Variants in FOXK2 observed in about 807,000 individuals in gnomAD.
The protein encoded by FOXK2 is forkhead box protein K2.
Under a neutral mutation model 53.3 loss-of-function variants are expected in FOXK2, and 24 were observed. The ratio of observed to expected loss-of-function variants is 0.45; its 90% CI spans 0.33 to 0.63. The LOEUF (loss-of-function observed/expected upper bound fraction) is 0.63, where lower values mean the gene tolerates loss of function less well. Among genes scored for constraint, FOXK2 ranks in the 30% least tolerant of loss-of-function variants. FOXK2 has a pLI of 0.03. For missense variants in FOXK2, 952 were observed against 910.5 expected (o/e 1.05, Z -0.59); for synonymous variants, 505 against 407.1 (o/e 1.24, Z -2.89).
rs904670761 is a variant in FOXK2, at chr17:82,601,903, CAT to C, written c.*405_*406del. ...CACAGGACCCACCAGGCAGCGGAGA[CAT>C]GTGGAATTAGAGTATTTTGAGGTGT... On this transcript the variant is annotated 3_prime_UTR_variant, in exon 9 of 9. Transcript: ENST00000335255. The C allele has an allele frequency of 1.5e-4, 27 of 174,322 alleles. No homozygotes were observed. Among genetic ancestry groups the C allele is most frequent in the East Asian group, 1.3e-3 (9 of 6,900 alleles). 10.8% of individuals were successfully genotyped at this position (174,322 alleles called of 1,614,324 possible).
chr17:82,543,984 G>T (rs2044598050), intron 1 of FOXK2, among the ~76,000 whole-genome samples: 1 of 152,034 alleles, frequency 6.6e-6, no homozygotes, highest in South Asian at 2.1e-4. Flanking sequence ...CACTGTGTTA[G>T]CCAGGATGGT....
intron 5 of FOXK2, among the ~76,000 whole-genome samples, chr17:82,583,767 C>T (rs975423995): frequency 6.6e-6 from 1 of 152,242 alleles, no homozygotes; most frequent in African/African-American, 2.4e-5. Context: ...GGCTCCGCCC[C>T]ACAGCCGTGC....
intron 1 of FOXK2, among the ~76,000 whole-genome samples, chr17:82,535,984 C>A (rs559832192): frequency 1.3e-5 from 2 of 151,946 alleles, no homozygotes; most frequent in East Asian, 1.9e-4. Context: ...TCAGGTGATC[C>A]GCCTGTCTCA....
chr17:82,595,634 G>A (rs1256679103), intron 8 of FOXK2: 1 of 489,200 alleles, frequency 2.0e-6, no homozygotes. Flanking sequence ...AGAGGACAGA[G>A]TGCTATACAT....
At chr17:82,520,882 A>G (rs1048486942) in intron 1 of FOXK2, among the ~76,000 whole-genome samples, 6 of 152,156 alleles carry the variant, frequency 3.9e-5, no homozygotes, top group South Asian at 2.1e-4. Flanking sequence ...TGGATTTTCA[A>G]TCTGTGCTCT....
chr17:82,566,270 A>G (rs1012870225), intron 2 of FOXK2, among the ~76,000 whole-genome samples: 1 of 151,754 alleles, frequency 6.6e-6, no homozygotes, highest in Admixed American at 6.6e-5. Context: ...CCCCTGGAAA[A>G]ACATCCGTTG....
At chr17:82,531,894 G>T (rs547850487) in intron 1 of FOXK2, among the ~76,000 whole-genome samples, 2 of 152,340 alleles carry the variant, frequency 1.3e-5, no homozygotes, top group South Asian at 4.1e-4. Context: ...AGGCTGCAGT[G>T]CAATGGCGTG....
At chr17:82,547,852 G>A (rs2044641952) in intron 1 of FOXK2, among the ~76,000 whole-genome samples, 1 of 152,138 alleles carries the variant, frequency 6.6e-6, no homozygotes, top group Admixed American at 6.6e-5. Context: ...TTTTCTTCCA[G>A]GGTTTCATAA....
rs1439094243 is a variant in FOXK2, at chr17:82,553,936, C to G, written c.420-9418C>G. On this transcript the variant is annotated intron_variant, in intron 1 of 8. Transcript: ENST00000335255. ...GCAGTCTCCGCCTCCCAGGTTCATG[C>G]CATTCTCCTGCCTCAGTCTCCCGAG... is the stretch of plus-strand genomic sequence containing the variant. 2.0e-5 allele frequency among the ~76,000 whole-genome samples: 3 copies of G among 152,130 alleles called. No individual in the cohort carries two copies. In the East Asian group the frequency reaches 5.8e-4, roughly 29 times the overall value.
chr17:82,520,384 G>A (rs1286842453), intron 1 of FOXK2, 77 bp downstream of exon 1: 2 of 1,159,042 alleles, frequency 1.7e-6, no homozygotes, highest in Non-Finnish European at 1.1e-6. Flanking sequence ...CACGCGCCCA[G>A]GCCCGGGACC....
chr17:82,526,682 T>C (rs1017375536), intron 1 of FOXK2, among the ~76,000 whole-genome samples: 1 of 152,004 alleles, frequency 6.6e-6, no homozygotes, highest in African/African-American at 2.4e-5. Context: ...TACAAAAAAT[T>C]AGCTGGGCAT....
intron 8 of FOXK2, among the ~76,000 whole-genome samples, chr17:82,598,723 A>T (rs993530301): frequency 6.6e-6 from 1 of 152,254 alleles, no homozygotes; most frequent in Admixed American, 6.5e-5. Context: ...CCACCTCCTA[A>T]TTAGGCTGCG....
At chr17:82,562,808 CTT>C (rs1260657668) in intron 1 of FOXK2, among the ~76,000 whole-genome samples, 5 of 141,970 alleles carry the variant, frequency 3.5e-5, no homozygotes, top group Non-Finnish European at 3.1e-5. Flanking sequence ...TGAGTCTATG[CTT>C]TTTTTTTTTT....
intron 1 of FOXK2, among the ~76,000 whole-genome samples, chr17:82,532,029 T>C (rs2044476684): frequency 1.3e-5 from 2 of 151,988 alleles, no homozygotes; most frequent in Admixed American, 1.3e-4. Flanking sequence ...TATTTTATTT[T>C]AGTAGAGATG....
In FOXK2 at chr17:82,602,267, A is replaced by G. The variant is rs534199320; in HGVS notation, c.*768A>G. 3.6e-4 allele frequency: 55 copies of G among 152,288 alleles called. No homozygotes were observed. The highest frequency in any genetic ancestry group is 1.3e-3 in the African/African-American group (55 of 41,544). The allele number at this position is 152,288 out of a possible 1,614,324, so 9.4% of individuals were successfully genotyped here. On this transcript the variant is annotated 3_prime_UTR_variant, in exon 9 of 9. Transcript: ENST00000335255. The stretch of plus-strand genomic sequence containing the variant: ...CAGGGACGAGCCAGTGCCGGGAAGG[A>G]ACTGCCGGGACTCACCGAGCTGCAC...
intron 8 of FOXK2, among the ~76,000 whole-genome samples, chr17:82,595,503 G>A (rs1238401050): frequency 7.9e-5 from 12 of 152,044 alleles, no homozygotes; most frequent in Admixed American, 7.9e-4. Context: ...GGGTCTTACC[G>A]TGCTGCTCAG....
At chr17:82,521,722 G>T (rs2044363226) in intron 1 of FOXK2, among the ~76,000 whole-genome samples, 1 of 144,572 alleles carries the variant, frequency 6.9e-6, no homozygotes, top group African/African-American at 2.5e-5. Context: ...ACGAGGTCAG[G>T]AGGTCGAGAC....
intron 1 of FOXK2, among the ~76,000 whole-genome samples, chr17:82,529,399 T>C (rs1381975634): frequency 2.0e-5 from 3 of 150,940 alleles, no homozygotes; most frequent in Non-Finnish European, 3.0e-5. Context: ...TTTTTTTTTT[T>C]TTTTTTTCAA....
At chr17:82,562,118 T>G (rs2044802334) in intron 1 of FOXK2, among the ~76,000 whole-genome samples, 1 of 152,240 alleles carries the variant, frequency 6.6e-6, no homozygotes, top group African/African-American at 2.4e-5. Flanking sequence ...TTTGAAGGTA[T>G]TTGGCTTGCA....
Sources: allele counts gnomAD v4.1 joint callset (sites outside exome capture counted in the v4.1 genomes callset), GRCh38; gene constraint gnomAD v4.1.1; transcripts MANE v1.5; gene names NCBI Gene and HGNC (gene_info 2026-07-23, HGNC 2026-07-21).